Variants in ENPP3 observed in about 807,000 individuals in gnomAD.
The protein encoded by ENPP3 is ectonucleotide pyrophosphatase/phosphodiesterase family member 3.
In ENPP3, 104 loss-of-function variants were observed where a neutral mutation model predicts 117.8. The ratio of observed to expected loss-of-function variants is 0.88; its 90% CI spans 0.75 to 1.04. The LOEUF is 1.04. Among genes scored for constraint, ENPP3 ranks in the 50% least tolerant of loss-of-function variants. ENPP3 has a pLI of 0.00. For missense variants in ENPP3, 1,026 were observed against 1,051.9 expected, an observed-to-expected ratio of 0.98 and a Z score of 0.34; for synonymous variants, 380 against 349.9, an observed-to-expected ratio of 1.09 and a Z score of -0.96.
chr6:131,746,135 T>C (rs1187894948), intron 24 of ENPP3, among the ~76,000 whole-genome samples: 1 of 152,052 alleles, frequency 6.6e-6, no homozygotes, highest in African/African-American at 2.4e-5. Context: ...ACAATTTTAT[T>C]AATATATCCT....
At chr6:131,647,266 C>A (rs1478150210) in intron 2 of ENPP3, among the ~76,000 whole-genome samples, 3 of 152,132 alleles carry the variant, frequency 2.0e-5, no homozygotes, top group Non-Finnish European at 2.9e-5. Context: ...ATCATTAAAA[C>A]CATGAACAAT....
chr6:131,727,430 C>T (rs539989786), intron 20 of ENPP3, among the ~76,000 whole-genome samples: 1 of 151,972 alleles, frequency 6.6e-6, no homozygotes, highest in South Asian at 2.1e-4. Flanking sequence ...TGGCATATGC[C>T]TGCAATCCCC....
intron 2 of ENPP3, among the ~76,000 whole-genome samples, 153 bp downstream of exon 2, chr6:131,641,683 G>C (rs987594777): frequency 2.6e-5 from 4 of 151,766 alleles, no homozygotes; most frequent in African/African-American, 9.7e-5. Flanking sequence ...TACTTATCGG[G>C]AGTCCACATC....
chr6:131,730,891 G>A (rs1585728841), intron 20 of ENPP3, among the ~76,000 whole-genome samples: 1 of 149,384 alleles, frequency 6.7e-6, no homozygotes, highest in East Asian at 1.9e-4. Context: ...CTCCAGCCTG[G>A]GCCAGATAGT....
At chr6:131,722,161 T>C in intron 17 of ENPP3, 66 bp from the exon 18 acceptor site, 3 of 1,151,828 alleles carry the variant, frequency 2.6e-6, no homozygotes, top group Non-Finnish European at 3.8e-6. Context: ...TTTCTTCCCA[T>C]CTCCCACAGA....
chr6:131,735,851 C>A (rs1490035303), intron 21 of ENPP3, among the ~76,000 whole-genome samples: 1 of 151,858 alleles, frequency 6.6e-6, no homozygotes, highest in Non-Finnish European at 1.5e-5. Flanking sequence ...AATTAATGGG[C>A]GTAAAGTTTC....
intron 7 of ENPP3, among the ~76,000 whole-genome samples, chr6:131,672,941 G>A (rs995385240): frequency 6.6e-6 from 1 of 152,078 alleles, no homozygotes; most frequent in African/African-American, 2.4e-5. Flanking sequence ...TTGGCAGGCT[G>A]CCTTTAAAAT....
chr6:131,696,436 A>C (rs768243452), intron 15 of ENPP3, among the ~76,000 whole-genome samples: 2 of 152,190 alleles, frequency 1.3e-5, no homozygotes, highest in Non-Finnish European at 2.9e-5. Context: ...GCATCAGAGA[A>C]TGCTTCCTGG....
chr6:131,671,634 G>C (rs2114375954), intron 7 of ENPP3, among the ~76,000 whole-genome samples: 1 of 152,272 alleles, frequency 6.6e-6, no homozygotes, highest in African/African-American at 2.4e-5. Context: ...GTTTATCTGA[G>C]GGTCTGCTGG....
At chr6:131,725,424 C>A (rs1466210824) in intron 19 of ENPP3, among the ~76,000 whole-genome samples, 2 of 151,982 alleles carry the variant, frequency 1.3e-5, no homozygotes, top group South Asian at 4.2e-4. Flanking sequence ...ACTCTGAGCT[C>A]GTATAGTGGA....
At chr6:131,651,130 G>A (rs1019096458) in intron 3 of ENPP3, among the ~76,000 whole-genome samples, 1 of 152,104 alleles carries the variant, frequency 6.6e-6, no homozygotes, top group Non-Finnish European at 1.5e-5. Context: ...ATGTTGGCCA[G>A]GCTGGTGTTG....
intron 15 of ENPP3, among the ~76,000 whole-genome samples, chr6:131,701,810 A>C (rs1200111170): frequency 6.1e-5 from 9 of 148,394 alleles, no homozygotes; most frequent in Non-Finnish European, 1.3e-4. Flanking sequence ...TGATCCCAGG[A>C]GGCGGAGCTT....
intron 14 of ENPP3, among the ~76,000 whole-genome samples, chr6:131,689,808 C>T (rs1414207633): frequency 6.6e-6 from 1 of 151,936 alleles, no homozygotes; most frequent in Non-Finnish European, 1.5e-5. Flanking sequence ...TTCTAGATAC[C>T]ATTAAAAACA....
At position 131,637,410 on chromosome 6, in the gene ENPP3, CG is replaced by C; in HGVS notation, c.28del (p.Glu10AsnfsTer14). 6.3e-7 allele frequency: 1 copy of C among 1,595,804 alleles called. No individual in the cohort carries two copies. The highest frequency in any genetic ancestry group is 8.5e-7 in the Non-Finnish European group (1 of 1,171,540). ...ATGGAATCTACGTTGACTTTAGCAA[CG>C]GAACAACCTGTTAAGAAGAACACTC... MESTLTLA[T>X]EQPVKKNTLK... is the part of the protein sequence containing the mutation. On this transcript the variant is annotated frameshift_variant, in exon 1 of 25. Coordinates refer to ENST00000357639, the MANE Select transcript of ENPP3 (RefSeq NM_005021.5). LOFTEE classifies it high-confidence loss of function.
At chr6:131,643,943 CTGTGTGTGTGTGTGTG>C (rs60828787) in intron 2 of ENPP3, among the ~76,000 whole-genome samples, 1 of 142,978 alleles carries the variant, frequency 7.0e-6, no homozygotes, top group Non-Finnish European at 1.5e-5. Flanking sequence ...GTGTGTGTGT[CTGTGTGTGTGTGTGTG>C]TGTGTGTGTG....
chr6:131,692,868 T>C (rs1477363542), intron 14 of ENPP3, among the ~76,000 whole-genome samples: 2 of 143,148 alleles, frequency 1.4e-5, no homozygotes, highest in African/African-American at 5.1e-5. Flanking sequence ...GTGATATATA[T>C]GATATATAGT....
chr6:131,637,957 ATTTTCTT>A (rs752573686), intron 1 of ENPP3, among the ~76,000 whole-genome samples: 2 of 126,044 alleles, frequency 1.6e-5, no homozygotes, highest in Non-Finnish European at 3.3e-5. Context: ...CCTTGATTTT[ATTTTCTT>A]TTTTCTTTTT....
At chr6:131,698,102 G>T (rs374598067) in intron 15 of ENPP3, among the ~76,000 whole-genome samples, 5 of 151,814 alleles carry the variant, frequency 3.3e-5, no homozygotes, top group South Asian at 4.2e-4. Context: ...TATGTGTGTG[G>T]GTGTGTGTGT....
In ENPP3 at chr6:131,722,399, A is replaced by G. The variant is rs573046894; in HGVS notation, c.1740A>G (p.Leu580=). ...TESLDCFCPH[L]QNSTQLEQVN... is the part of the protein sequence containing the mutation. ...CTCTTGACTGTTTCTGCCCTCACCT[A>G]CAAAATGTAAGTAACAACTTCATGC... The change falls in exon 18 of 25, where the codon CTA becomes CTG. Residue 580 remains leucine (L), a synonymous_variant. Coordinates refer to ENST00000357639, the MANE Select transcript of ENPP3 (RefSeq NM_005021.5). The G allele has an allele frequency of 3.7e-5, 59 of 1,612,684 alleles. No individual in the cohort carries two copies. The South Asian group carries it at 5.8e-4, about 16-fold the overall frequency.
Sources: allele counts gnomAD v4.1 joint callset (sites outside exome capture counted in the v4.1 genomes callset), GRCh38; gene constraint gnomAD v4.1.1; transcripts MANE v1.5; gene names NCBI Gene and HGNC (gene_info 2026-07-23, HGNC 2026-07-21).